OMA1: variants seen among roughly 807,000 people sequenced by gnomAD.
OMA1 encodes metalloendopeptidase OMA1, mitochondrial.
OMA1 carries 38 observed loss-of-function variants against 30.9 expected under a neutral mutation model. That is an observed-to-expected ratio of 1.23 (90% CI 0.95 to 1.61). The LOEUF is 1.61. Ranked by LOEUF, OMA1 falls within the 40% of genes most tolerant of loss-of-function variation. The pLI is 0.00. For missense variants in OMA1, 461 were observed against 349.2 expected, an observed-to-expected ratio of 1.32 and a Z score of -2.55; for synonymous variants, 173 against 121.9, an observed-to-expected ratio of 1.42 and a Z score of -2.76.
intron 8 of OMA1, among the ~76,000 whole-genome samples, chr1:58,490,956 C>T (rs1300188948): frequency 6.6e-6 from 1 of 151,606 alleles, no homozygotes; most frequent in Non-Finnish European, 1.5e-5. Context: ...CAGGCACCCG[C>T]TACCAAGCCC....
Position 58,481,226 on chromosome 1 carries a change from TCA to T in OMA1, c.1366-54_1366-53del, listed in dbSNP as rs566531214. 565 of 585,084 alleles carry T rather than the reference TCA, an allele frequency of 9.7e-4. 3 individuals carry two copies. The Middle Eastern group carries it at 0.011, about 12-fold the overall frequency. The allele number at this position is 585,084 out of a possible 1,614,324, so 36.2% of individuals were successfully genotyped here. On this transcript the variant is annotated intron_variant, in intron 8 of 8. Coordinates refer to ENST00000371226, the MANE Select transcript of OMA1 (RefSeq NM_145243.5). ...ATACTATATATATACATCAATGTATTCAGATTGTTTCAGTAATCCCTAATATG... is the reference window on the plus strand; with the variant it reads ...ATACTATATATATACATCAATGTATTGATTGTTTCAGTAATCCCTAATATG...
intron 8 of OMA1, among the ~76,000 whole-genome samples, chr1:58,493,673 T>A (rs1270611714): frequency 1.3e-5 from 2 of 151,376 alleles, no homozygotes; most frequent in Non-Finnish European, 2.9e-5. Flanking sequence ...CACAATTGCT[T>A]CAAAGAGAAT....
chr1:58,509,422 C>A (rs1114660), intron 7 of OMA1, among the ~76,000 whole-genome samples: 87,934 of 149,750 alleles, frequency 0.59, 27,798 homozygotes, highest in East Asian at 0.82. Context: ...GAAAAAAAAA[C>A]CAAAAAGAAA....
At chr1:58,487,771 T>C (rs1308522619) in intron 8 of OMA1, among the ~76,000 whole-genome samples, 1 of 152,150 alleles carries the variant, frequency 6.6e-6, no homozygotes, top group Admixed American at 6.5e-5. Flanking sequence ...CTGCATCCAC[T>C]CTAGCAATTC....
intron 8 of OMA1, among the ~76,000 whole-genome samples, chr1:58,493,125 T>C (rs969951160): frequency 8.5e-5 from 13 of 152,138 alleles, no homozygotes; most frequent in Admixed American, 2.6e-4. Context: ...CGCAAATCAA[T>C]AAACGTAATC....
chr1:58,487,323 T>C (rs561418407), intron 8 of OMA1, among the ~76,000 whole-genome samples: 2 of 152,378 alleles, frequency 1.3e-5, no homozygotes, highest in Admixed American at 6.5e-5. Flanking sequence ...TTTTCTTTTA[T>C]GATGCTGCTC....
intron 8 of OMA1, among the ~76,000 whole-genome samples, chr1:58,491,658 G>A (rs906771962): frequency 6.6e-6 from 1 of 152,106 alleles, no homozygotes; most frequent in Non-Finnish European, 1.5e-5. Context: ...AAGATCAAAA[G>A]AGACAAAGAA....
intron 7 of OMA1, among the ~76,000 whole-genome samples, chr1:58,521,136 A>C (rs755902324): frequency 7.2e-5 from 11 of 152,230 alleles, no homozygotes; most frequent in Non-Finnish European, 1.3e-4. Context: ...CGAAAACAAA[A>C]GGTAACTTTA....
At position 58,490,792 on chromosome 1, in the gene OMA1, ATTCTT is replaced by A. The variant is rs1489293987; in HGVS notation, c.1366-9623_1366-9619del. Among the ~76,000 whole-genome samples the A allele has an allele frequency of 1.3e-3, 131 of 97,282 alleles. 5 individuals are homozygous for A. The highest frequency in any genetic ancestry group is 4.4e-3 in the African/African-American group (121 of 27,528). 63.8% of individuals were successfully genotyped at this position (97,282 alleles called of 152,430 possible). ...AAGAGAGTGGGGGCCAATAGTCAAC[ATTCTT>A]TTTTTTTTTTTTTTTTTTTTTTTTT... On this transcript the variant is annotated intron_variant, in intron 8 of 8. Coordinates refer to ENST00000371226, the MANE Select transcript of OMA1 (RefSeq NM_145243.5).
intron 7 of OMA1, among the ~76,000 whole-genome samples, chr1:58,509,975 T>C (rs1291055269): frequency 6.6e-6 from 1 of 152,042 alleles, no homozygotes; most frequent in Admixed American, 6.5e-5. Flanking sequence ...CTATAACTAA[T>C]GAGATTGAGT....
chr1:58,506,646 G>C (rs1645994861), intron 7 of OMA1, among the ~76,000 whole-genome samples: 1 of 151,990 alleles, frequency 6.6e-6, no homozygotes, highest in South Asian at 2.1e-4. Context: ...TGTATTAAGG[G>C]TAAAATCTTT....
At chr1:58,508,663 G>A (rs761678055) in intron 7 of OMA1, among the ~76,000 whole-genome samples, 5 of 152,100 alleles carry the variant, frequency 3.3e-5, no homozygotes, top group Non-Finnish European at 7.4e-5. Flanking sequence ...CTAGGAACTG[G>A]CTTCTGTCTT....
At chr1:58,533,884 T>G in intron 5 of OMA1, 69 bp downstream of exon 5, 3 of 814,208 alleles carry the variant, frequency 3.7e-6, no homozygotes, top group Non-Finnish European at 6.5e-6. Context: ...AAATCAGTTC[T>G]TTAAAAGATT....
intron 8 of OMA1, among the ~76,000 whole-genome samples, chr1:58,500,863 C>A (rs912506398): frequency 7.9e-5 from 12 of 152,158 alleles, no homozygotes; most frequent in Admixed American, 5.9e-4. Context: ...AAGCAGATTT[C>A]TCTTATTCAC....
chr1:58,536,413 G>C, intron 3 of OMA1, 100 bp downstream of exon 3: 1 of 653,314 alleles, frequency 1.5e-6, no homozygotes, highest in Non-Finnish European at 2.7e-6. Context: ...TCATATCAAA[G>C]ACTAAAATTA....
chr1:58,536,551 C>T lies in OMA1; in HGVS notation c.691G>A (p.Glu231Lys). 3 of 872,838 alleles carry T rather than the reference C, an allele frequency of 3.4e-6. No individual in the cohort carries two copies. In the South Asian group the frequency reaches 3.9e-5, roughly 11 times the overall value. The allele number at this position is 872,838 out of a possible 1,614,324, so 54.1% of individuals were successfully genotyped here. A position where few individuals can be genotyped will look rare whatever the true frequency, so the allele number is the denominator to read the frequency against. The change falls in exon 3 of 9, where the codon GAA becomes AAA. Residue 231 changes from glutamate (E) to lysine (K), a missense_variant. Physicochemically the swap from Glu to Lys is moderately conservative, Grantham distance 56. Transcript: ENST00000371226. ...AGTTCCGATAAAAGTCTGAACTGTT[C>T]TTTCCCCAATAATAGTAGCTTGCTC... ...GRSKLLLLGK[E>K]QFRLLSELEY...
At chr1:58,489,183 C>A (rs913101638) in intron 8 of OMA1, among the ~76,000 whole-genome samples, 2 of 152,198 alleles carry the variant, frequency 1.3e-5, no homozygotes, top group African/African-American at 4.8e-5. Context: ...CAGGGAATTC[C>A]CTTTCCTAGC....
intron 7 of OMA1, among the ~76,000 whole-genome samples, chr1:58,516,309 T>C (rs547111322): frequency 6.6e-6 from 1 of 152,220 alleles, no homozygotes; most frequent in Admixed American, 6.5e-5. Flanking sequence ...ACTGATAGTT[T>C]AGTTGCTTGT....
chr1:58,485,681 T>C (rs1645564982), intron 8 of OMA1, among the ~76,000 whole-genome samples: 1 of 152,132 alleles, frequency 6.6e-6, no homozygotes, highest in Non-Finnish European at 1.5e-5. Flanking sequence ...AATTCTAATC[T>C]ATCTTATTAA....
Sources: allele counts gnomAD v4.1 joint callset (sites outside exome capture counted in the v4.1 genomes callset), GRCh38; gene constraint gnomAD v4.1.1; transcripts MANE v1.5; gene names NCBI Gene and HGNC (gene_info 2026-07-23, HGNC 2026-07-21).